The following HMOX2 variants were observed in gnomAD, a reference collection of about 807,000 sequenced individuals.
The protein encoded by HMOX2 is heme oxygenase (decycling) 2.
A neutral mutation model predicts 33.7 loss-of-function variants in HMOX2; 30 were observed. The ratio of observed to expected loss-of-function variants is 0.89; its 90% CI spans 0.67 to 1.21. The LOEUF (loss-of-function observed/expected upper bound fraction) is 1.21. HMOX2 is among the 50% of genes most tolerant of loss of function. The pLI, the probability that HMOX2 is intolerant of heterozygous loss-of-function variation, is 0.00. For synonymous variants in HMOX2, 155 were observed against 155.0 expected (o/e 1.00, Z 0.00); for missense variants, 403 against 399.1 (o/e 1.01, Z -0.08).
chr16:4,490,020 A>G (rs1173180799), intron 1 of HMOX2, among the ~76,000 whole-genome samples: 2 of 152,232 alleles, frequency 1.3e-5, no homozygotes, highest in Non-Finnish European at 2.9e-5. Flanking sequence ...CATTCAGTCA[A>G]CAAACCCTGA....
chr16:4,494,861 A>G (rs989423430), intron 1 of HMOX2, among the ~76,000 whole-genome samples: 4 of 152,060 alleles, frequency 2.6e-5, no homozygotes, highest in Admixed American at 6.6e-5. Context: ...CCTGCGTGAA[A>G]AAGTGAGACT....
rs754706311 is a variant in HMOX2, at chr16:4,509,640, G to A, written c.835G>A (p.Gly279Ser). 1.2e-5 allele frequency: 19 copies of A among 1,613,648 alleles called. No homozygotes were observed. The highest frequency in any genetic ancestry group is 1.6e-5 in the Non-Finnish European group (19 of 1,179,564). ...GTGCTGCCACACAGGTGCCCTGGAG[G>A]GCAGCAGCTGTCCCTTCCGAACAGC... Reference protein sequence around the residue: ...AAEQDKGALEGSSCPFRTAMA... With the variant: ...AAEQDKGALESSSCPFRTAMA... Residue 279 changes from glycine to serine, a missense_variant, in exon 6 of 6, where the codon GGC becomes AGC. Physicochemically the swap from Gly to Ser is moderately conservative, Grantham distance 56. Transcript: ENST00000570646.
chr16:4,488,522 TC>T (rs1241784995), intron 1 of HMOX2: 2 of 152,202 alleles, frequency 1.3e-5, no homozygotes, highest in Non-Finnish European at 2.9e-5. Context: ...TGTAGCATTT[TC>T]CTTTGCAATA....
Position 4,507,802 on chromosome 16 carries a change from C to T in HMOX2, c.294C>T (p.Tyr98=), listed in dbSNP as rs752557137. 3 of 1,614,214 alleles carry T rather than the reference C, an allele frequency of 1.9e-6. No homozygotes were observed. The highest frequency in any genetic ancestry group is 2.5e-6 in the Non-Finnish European group (3 of 1,180,034). Reference sequence around the variant, plus strand: ...ACCATCCAGCCTTTGCCCCTTTGTACTTCCCCATGGAGCTGCACCGGAAGG... The same window carrying T: ...ACCATCCAGCCTTTGCCCCTTTGTATTTCCCCATGGAGCTGCACCGGAAGG... ...NKDHPAFAPL[Y]FPMELHRKEA... Residue 98 remains tyrosine, a synonymous_variant, in exon 4 of 6, where the codon TAC becomes TAT. Transcript: ENST00000570646.
intron 1 of HMOX2, among the ~76,000 whole-genome samples, chr16:4,485,215 C>T (rs948110530): frequency 1.3e-5 from 2 of 152,140 alleles, no homozygotes; most frequent in Admixed American, 6.6e-5. Flanking sequence ...ATTCACCCAC[C>T]TCCACGTCCC....
chr16:4,484,075 C>T (rs1002493317), intron 1 of HMOX2, among the ~76,000 whole-genome samples: 5 of 145,414 alleles, frequency 3.4e-5, no homozygotes, highest in African/African-American at 1.0e-4. Context: ...CCCAGGTTCA[C>T]GCCATTCTCC....
chr16:4,480,961 G>A (rs1028954041), intron 1 of HMOX2, among the ~76,000 whole-genome samples: 1 of 150,366 alleles, frequency 6.7e-6, no homozygotes, highest in African/African-American at 2.4e-5. Context: ...GCCAGGCCTC[G>A]TATTTTTGCT....
chr16:4,497,534 A>G (rs777094338), intron 1 of HMOX2, among the ~76,000 whole-genome samples: 5 of 152,134 alleles, frequency 3.3e-5, no homozygotes, highest in Non-Finnish European at 7.3e-5. Context: ...TATTTCAGTT[A>G]TAATAGGAAG....
intron 1 of HMOX2, among the ~76,000 whole-genome samples, chr16:4,500,002 G>A (rs916242320): frequency 2.6e-5 from 4 of 152,192 alleles, no homozygotes; most frequent in Non-Finnish European, 4.4e-5. Flanking sequence ...AACTCCATCT[G>A]TGTATTTGCA....
At chr16:4,492,449 G>A (rs1325128220) in intron 1 of HMOX2, among the ~76,000 whole-genome samples, 1 of 152,130 alleles carries the variant, frequency 6.6e-6, no homozygotes, top group Non-Finnish European at 1.5e-5. Context: ...GCTGGGTGTG[G>A]TGGCTCACAG....
At chr16:4,502,297 G>A (rs2058579195) in intron 1 of HMOX2, among the ~76,000 whole-genome samples, 1 of 152,190 alleles carries the variant, frequency 6.6e-6, no homozygotes, top group Non-Finnish European at 1.5e-5. Flanking sequence ...CCCAGAGCAT[G>A]CAGTTATTAT....
intron 1 of HMOX2, among the ~76,000 whole-genome samples, chr16:4,500,194 A>G (rs1427208042): frequency 2.0e-5 from 3 of 152,100 alleles, no homozygotes; most frequent in Admixed American, 1.3e-4. Context: ...TATGGTGGCA[A>G]TTTTATATCG....
chr16:4,507,946 G>A lies in HMOX2; in HGVS notation c.438G>A (p.Pro146=), dbSNP rs149403634. 5.0e-5 allele frequency: 81 copies of A among 1,613,824 alleles called. 1 individual carries two copies. The African/African-American group carries it at 7.9e-4, about 16-fold the overall frequency. ...ERIHYIGQNE[P]ELLVAHAYTR... Reference sequence around the variant, plus strand: ...TCCACTACATAGGGCAGAACGAGCCGGAGCTACTGGTGGCCCATGCATACA... The same window carrying A: ...TCCACTACATAGGGCAGAACGAGCCAGAGCTACTGGTGGCCCATGCATACA... The change falls in exon 4 of 6, where the codon CCG becomes CCA. Residue 146 remains proline, a synonymous_variant. Coordinates refer to ENST00000570646, the MANE Select transcript of HMOX2 (RefSeq NM_002134.4).
At chr16:4,492,911 C>A (rs894795700) in intron 1 of HMOX2, among the ~76,000 whole-genome samples, 2 of 152,136 alleles carry the variant, frequency 1.3e-5, no homozygotes, top group African/African-American at 4.8e-5. Flanking sequence ...TTGGCACATG[C>A]CTGTAGCCCC....
chr16:4,476,103 C>T (rs17879291), upstream of HMOX2: 17,590 of 152,154 alleles, frequency 0.12, 2,121 homozygotes, highest in African/African-American at 0.3. Flanking sequence ...GTTGACAACC[C>T]TATTTCTTAC....
chr16:4,489,046 A>G (rs2058244046), intron 1 of HMOX2, among the ~76,000 whole-genome samples: 1 of 151,780 alleles, frequency 6.6e-6, no homozygotes, highest in Non-Finnish European at 1.5e-5. Context: ...CCAGGCTGGT[A>G]TACATTTCTT....
In HMOX2 at chr16:4,507,736, C is replaced by T; in HGVS notation, c.228C>T (p.Phe76=). Residue 76 remains phenylalanine, a synonymous_variant, in exon 4 of 6, where the codon TTC becomes TTT. Transcript: ENST00000570646. The stretch of plus-strand genomic sequence containing the variant: ...AGCTGGCCACCACGGCACTTTACTT[C>T]ACATACTCAGCCCTCGAGGAGGAAA... The part of the protein sequence containing the change: ...LFKLATTALY[F]TYSALEEEME... 1 of 1,614,136 alleles carries T rather than the reference C, an allele frequency of 6.2e-7. No homozygotes were observed. Among genetic ancestry groups the T allele is most frequent in the Non-Finnish European group, 8.5e-7 (1 of 1,179,984 alleles).
At chr16:4,490,696 T>G (rs2058283412) in intron 1 of HMOX2, among the ~76,000 whole-genome samples, 1 of 152,204 alleles carries the variant, frequency 6.6e-6, no homozygotes, top group African/African-American at 2.4e-5. Flanking sequence ...TCTAATAGCT[T>G]CTTCTGTTTT....
chr16:4,509,606 C>A, intron 5 of HMOX2, 23 bp from the exon 6 acceptor site: 1 of 1,613,578 alleles, frequency 6.2e-7, no homozygotes, highest in Middle Eastern at 1.7e-4. Flanking sequence ...GATGCCATGT[C>A]TCCTATTGGT....
Sources: allele counts gnomAD v4.1 joint callset (sites outside exome capture counted in the v4.1 genomes callset), GRCh38; gene constraint gnomAD v4.1.1; transcripts MANE v1.5; gene names NCBI Gene and HGNC (gene_info 2026-07-23, HGNC 2026-07-21).